The following DMD variants were observed in gnomAD, a reference collection of about 807,000 sequenced individuals.
DMD encodes mutant dystrophin.
Under a neutral mutation model 330.1 loss-of-function variants are expected in DMD, and 63 were observed. The observed-to-expected ratio is 0.19, with a 90% CI of 0.16 to 0.24. DMD has a LOEUF of 0.24. DMD is among the 10% of genes least tolerant of loss of function. The pLI is 1.00. For synonymous variants in DMD, 1,223 were observed against 959.8 expected (o/e 1.27, Z -5.07); for missense variants, 3,344 against 2,684.1 (o/e 1.25, Z -5.43).
chrX:32,588,929 G>A (rs1230648530), intron 13 of DMD, among the ~76,000 whole-genome samples: 1 of 111,424 alleles, frequency 9.0e-6, no homozygotes, highest in Non-Finnish European at 1.9e-5. Flanking sequence ...TTAAAGGAAG[G>A]CAATGTACAG....
At chrX:32,957,497 G>C (rs974473273) in intron 2 of DMD, among the ~76,000 whole-genome samples, 1 of 111,231 alleles carries the variant, frequency 9.0e-6, no homozygotes, top group Non-Finnish European at 1.9e-5. Flanking sequence ...CTTGGTTTGT[G>C]GTCAAGATGG....
chrX:31,964,751 CAT>C (rs1459519752), intron 45 of DMD, among the ~76,000 whole-genome samples: 1 of 109,599 alleles, frequency 9.1e-6, no homozygotes, highest in African/African-American at 3.3e-5. Flanking sequence ...TGTAAATGGG[CAT>C]ATGTTTTGCA....
rs747284658 is a variant in DMD, at chrX:32,773,519, T to C, written c.649+35974A>G. On this transcript the variant is annotated intron_variant, in intron 7 of 78. Transcript: ENST00000357033. ...TCTATCTAACTATATACTTTTTATT[T>C]TTTTTTTTTTTTTTACCTATTTACC... Among the ~76,000 whole-genome samples the C allele has an allele frequency of 3.1e-5, 3 of 96,004 alleles. No individual in the cohort carries two copies. In the East Asian group the frequency reaches 9.0e-4, roughly 29 times the overall value. The allele number at this position is 96,004 out of a possible 115,157, so 83.4% of individuals were successfully genotyped here.
intron 47 of DMD, among the ~76,000 whole-genome samples, chrX:31,926,197 G>C (rs2094773289): frequency 9.0e-6 from 1 of 111,264 alleles, no homozygotes. Context: ...ATTGTTAAAG[G>C]CTGTAAAAGG....
At chrX:32,884,570 C>G (rs1383457937) in intron 2 of DMD, among the ~76,000 whole-genome samples, 1 of 108,665 alleles carries the variant, frequency 9.2e-6, no homozygotes, top group Non-Finnish European at 1.9e-5. Context: ...GCACCAAGTC[C>G]TAAAACTAAC....
In DMD at chrX:32,154,364, A is replaced by G. The variant is rs371344863; in HGVS notation, c.6438+62552T>C. ...ACTTTTAAAAATATAAATAAAAAAT[A>G]AATCATTATCTTCTTTACATAACCG... On this transcript the variant is annotated intron_variant, in intron 44 of 78. Transcript: ENST00000357033. 2.8e-3 allele frequency among the ~76,000 whole-genome samples: 310 copies of G among 112,708 alleles called. 2 individuals are homozygous for G. The highest frequency in any genetic ancestry group is 9.4e-3 in the African/African-American group (293 of 31,112).
chrX:31,445,070 T>C (rs1479895861), intron 59 of DMD, among the ~76,000 whole-genome samples: 1 of 111,734 alleles, frequency 8.9e-6, no homozygotes, highest in African/African-American at 3.3e-5. Context: ...ATTTATGGCA[T>C]TTCTATTATA....
chrX:32,395,643 A>G (rs148675427), intron 30 of DMD, among the ~76,000 whole-genome samples: 1,311 of 111,956 alleles, frequency 0.012, 10 homozygotes, highest in South Asian at 0.072. Flanking sequence ...TCTGCTGTAT[A>G]ATCTGGTGAT....
chrX:32,581,633 G>T (rs945167983), intron 13 of DMD, among the ~76,000 whole-genome samples: 1 of 111,623 alleles, frequency 9.0e-6, no homozygotes, highest in African/African-American at 3.3e-5. Flanking sequence ...ATTAAAAATG[G>T]ACATTTTTAT....
intron 11 of DMD, among the ~76,000 whole-genome samples, chrX:32,628,552 C>G (rs62592517): frequency 0.011 from 1,241 of 108,872 alleles, 9 homozygotes; most frequent in Non-Finnish European, 0.019. Context: ...TTTATTTTCT[C>G]ATACTAATTT....
At chrX:31,739,969 A>G (rs2087193582) in intron 51 of DMD, among the ~76,000 whole-genome samples, 1 of 109,652 alleles carries the variant, frequency 9.1e-6, no homozygotes, top group South Asian at 3.9e-4. Flanking sequence ...AAAAAAGATT[A>G]AGATGGTCCT....
At chrX:32,092,256 C>A in intron 44 of DMD, among the ~76,000 whole-genome samples, 1 of 112,005 alleles carries the variant, frequency 8.9e-6, no homozygotes, top group Admixed American at 9.5e-5. Context: ...TGAAAGTATT[C>A]ACCCACACCG....
intron 51 of DMD, among the ~76,000 whole-genome samples, chrX:31,770,547 C>T (rs749615828): frequency 1.3e-3 from 149 of 112,061 alleles, no homozygotes; most frequent in African/African-American, 4.8e-3. Context: ...TCTTTAATGC[C>T]TGGCTTAAGT....
intron 20 of DMD, among the ~76,000 whole-genome samples, chrX:32,488,485 G>A (rs73451791): frequency 5.4e-5 from 6 of 111,441 alleles, no homozygotes; most frequent in African/African-American, 2.0e-4. Flanking sequence ...TGAGAAACAT[G>A]TTATAATTTA....
At chrX:32,995,664 CAT>C (rs2093099370) in intron 2 of DMD, among the ~76,000 whole-genome samples, 1 of 112,109 alleles carries the variant, frequency 8.9e-6, no homozygotes, top group Non-Finnish European at 1.9e-5. Flanking sequence ...AAGGTCTATT[CAT>C]AGACTTGTAT....
intron 62 of DMD, among the ~76,000 whole-genome samples, chrX:31,282,654 A>G (rs761475983): frequency 8.9e-6 from 1 of 111,949 alleles, no homozygotes; most frequent in East Asian, 2.8e-4. Flanking sequence ...ACCTTGCTGC[A>G]AAGTGTCAGT....
intron 9 of DMD, 105 bp downstream of exon 9, chrX:32,697,765 C>A: frequency 9.2e-7 from 1 of 1,090,582 alleles, no homozygotes; most frequent in East Asian, 3.1e-5. Flanking sequence ...CAGCTCTTCA[C>A]GAGGAGATAA....
In DMD at chrX:32,468,564, G is replaced by A. The variant is rs770148717; in HGVS notation, c.3096C>T (p.Leu1032=). 1.7e-6 allele frequency: 2 copies of A among 1,210,932 alleles called. No individual in the cohort carries two copies. Among genetic ancestry groups the A allele is most frequent in the South Asian group, 3.5e-5 (2 of 56,876 alleles). The change falls in exon 23 of 79, where the codon CTC becomes CTT. Residue 1032 remains leucine, a synonymous_variant. Coordinates refer to ENST00000357033, the MANE Select transcript of DMD (RefSeq NM_004006.3). ...FEEIEGRWKK[L]SSQLVEHCQK... ...GACAATGCTCAACCAGCTGGGAGGA[G>A]AGCTTCTTCCAGCGTCCCTCAATTT...
intron 55 of DMD, among the ~76,000 whole-genome samples, chrX:31,517,891 A>G (rs1374026915): frequency 9.5e-6 from 1 of 105,313 alleles, no homozygotes; most frequent in Non-Finnish European, 1.9e-5. Flanking sequence ...TCAAGGAGTA[A>G]GAAAAAAATA....
Sources: allele counts gnomAD v4.1 joint callset (sites outside exome capture counted in the v4.1 genomes callset), GRCh38; gene constraint gnomAD v4.1.1; transcripts MANE v1.5; gene names NCBI Gene and HGNC (gene_info 2026-07-23, HGNC 2026-07-21).